Variants in TMEM51 observed in about 807,000 individuals in gnomAD.
TMEM51 encodes transmembrane protein 51, also known as chromosome 1 open reading frame 72.
TMEM51 carries 8 observed loss-of-function variants against 13.6 expected under a neutral mutation model. That is an observed-to-expected ratio of 0.59 (90% CI 0.35 to 1.07). TMEM51 has a LOEUF of 1.07. Ranked by LOEUF, TMEM51 falls within the 50% of genes least tolerant of loss-of-function variation. The pLI is 0.02. For synonymous variants in TMEM51, 147 were observed against 144.4 expected (o/e 1.02, Z -0.13); for missense variants, 279 against 330.7 (o/e 0.84, Z 1.21).
At chr1:15,205,674 T>C (rs1644236248) in intron 1 of TMEM51, among the ~76,000 whole-genome samples, 1 of 152,206 alleles carries the variant, frequency 6.6e-6, no homozygotes, top group Non-Finnish European at 1.5e-5. Flanking sequence ...CTTTCCGTCT[T>C]GGAACCTGTG....
At chr1:15,168,825 C>T in intron 1 of TMEM51, 1 of 1,258,022 alleles carries the variant, frequency 7.9e-7, no homozygotes, top group Non-Finnish European at 1.0e-6. Flanking sequence ...GGAGTCAGAG[C>T]CATATCCGGC....
intron 1 of TMEM51, among the ~76,000 whole-genome samples, chr1:15,179,889 C>A (rs901027192): frequency 1.3e-5 from 2 of 152,208 alleles, no homozygotes; most frequent in Non-Finnish European, 2.9e-5. Flanking sequence ...TATGAGGGAA[C>A]TTTCTGGGAT....
chr1:15,165,239 C>A (rs116656840), intron 1 of TMEM51, among the ~76,000 whole-genome samples: 109 of 152,032 alleles, frequency 7.2e-4, no homozygotes, highest in Non-Finnish European at 1.2e-3. Flanking sequence ...TTACATGAGC[C>A]CAGGAGGTAG....
At chr1:15,189,355 C>T (rs1643883022) in intron 1 of TMEM51, among the ~76,000 whole-genome samples, 2 of 151,900 alleles carry the variant, frequency 1.3e-5, no homozygotes, top group South Asian at 4.2e-4. Context: ...CTCGCCCAGC[C>T]ATTGTCATTA....
chr1:15,155,827 T>C (rs1315954844), intron 1 of TMEM51, among the ~76,000 whole-genome samples: 1 of 152,152 alleles, frequency 6.6e-6, no homozygotes, highest in Non-Finnish European at 1.5e-5. Context: ...TTCTAGGTGC[T>C]CAACAAAGAT....
At chr1:15,158,002 A>G (rs1187846993) in intron 1 of TMEM51, among the ~76,000 whole-genome samples, 1 of 152,166 alleles carries the variant, frequency 6.6e-6, no homozygotes, top group Non-Finnish European at 1.5e-5. Context: ...TGTGTTGCCC[A>G]GGTTAGTCTT....
intron 1 of TMEM51, among the ~76,000 whole-genome samples, chr1:15,198,031 G>A (rs1644085855): frequency 6.6e-6 from 1 of 151,298 alleles, no homozygotes; most frequent in African/African-American, 2.4e-5. Context: ...CCAGAGGTCA[G>A]CAGTCCAGGG....
At chr1:15,167,109 C>T (rs1469929142) in intron 1 of TMEM51, among the ~76,000 whole-genome samples, 1 of 151,904 alleles carries the variant, frequency 6.6e-6, no homozygotes, top group Non-Finnish European at 1.5e-5. Flanking sequence ...GGGCAGATCA[C>T]GAGGTCAGGA....
chr1:15,187,178 C>G (rs953652913), intron 1 of TMEM51, among the ~76,000 whole-genome samples: 33 of 151,832 alleles, frequency 2.2e-4, no homozygotes, highest in Admixed American at 1.3e-4. Context: ...AACACAGCAC[C>G]CCCATCCCCC....
chr1:15,212,046 C>T (rs75848280), intron 2 of TMEM51, among the ~76,000 whole-genome samples: 1 of 152,074 alleles, frequency 6.6e-6, no homozygotes, highest in Non-Finnish European at 1.5e-5. Context: ...TCCTTAAGTG[C>T]GTGAACCATA....
intron 1 of TMEM51, among the ~76,000 whole-genome samples, chr1:15,166,133 TAAAC>T (rs926989749): frequency 6.6e-6 from 1 of 152,226 alleles, no homozygotes; most frequent in African/African-American, 2.4e-5. Flanking sequence ...TTTTATTTCT[TAAAC>T]AAGCATTGTT....
At chr1:15,167,906 ACT>A (rs1344866853) in intron 1 of TMEM51, among the ~76,000 whole-genome samples, 1 of 152,046 alleles carries the variant, frequency 6.6e-6, no homozygotes, top group Non-Finnish European at 1.5e-5. Context: ...TTTTTCATTA[ACT>A]CTTTTTCTTT....
chr1:15,152,819 T>G (rs1642441506), upstream of TMEM51: 2 of 151,642 alleles, frequency 1.3e-5, no homozygotes, highest in Non-Finnish European at 2.9e-5. Context: ...GGGTTTGCAC[T>G]CCCCGGAGCC....
At chr1:15,205,383 C>T (rs550213923) in intron 1 of TMEM51, among the ~76,000 whole-genome samples, 1 of 152,316 alleles carries the variant, frequency 6.6e-6, no homozygotes, top group African/African-American at 2.4e-5. Flanking sequence ...ACTTTCCCAT[C>T]GCTGTGGGAT....
At chr1:15,218,295 C>T (rs1387789083) in intron 3 of TMEM51, among the ~76,000 whole-genome samples, 3 of 152,192 alleles carry the variant, frequency 2.0e-5, no homozygotes, top group Non-Finnish European at 4.4e-5. Context: ...TATTCTTTCT[C>T]TACTGAAAGT....
At chr1:15,165,869 T>G (rs541552129) in intron 1 of TMEM51, among the ~76,000 whole-genome samples, 1 of 152,022 alleles carries the variant, frequency 6.6e-6, no homozygotes, top group Admixed American at 6.6e-5. Flanking sequence ...TACTGGGAGG[T>G]GGAGGTTGCG....
intron 1 of TMEM51, among the ~76,000 whole-genome samples, chr1:15,193,575 C>CTTTCTTTTTTTTTTTTTTTT (rs1249772503): frequency 1.7e-5 from 2 of 114,656 alleles, no homozygotes; most frequent in African/African-American, 7.1e-5. Flanking sequence ...TTCTTTCTTT[C>CTTTCTTTTTTTTTTTTTTTT]TTTTTTTTTT....
At chr1:15,165,944 A>G (rs1002120432) in intron 1 of TMEM51, among the ~76,000 whole-genome samples, 5 of 152,324 alleles carry the variant, frequency 3.3e-5, no homozygotes, top group African/African-American at 1.2e-4. Context: ...TCAAAAAAAA[A>G]GTTAGGGTTA....
Position 15,213,813 on chromosome 1 carries a change from C to G in TMEM51, c.-193-1082C>G, listed in dbSNP as rs954702779. Among the ~76,000 whole-genome samples the G allele has an allele frequency of 5.9e-5, 9 of 152,164 alleles. No homozygotes were observed. The South Asian group carries it at 1.0e-3, about 18-fold the overall frequency. On this transcript the variant is annotated intron_variant, in intron 2 of 3. Coordinates refer to ENST00000376008, the MANE Select transcript of TMEM51 (RefSeq NM_001136218.2). ...TGTCTTGCTGGGTGACTTCATGTGGCCTGCATTCATTTCATCCAACATTGA... is the reference window on the plus strand; with the variant it reads ...TGTCTTGCTGGGTGACTTCATGTGGGCTGCATTCATTTCATCCAACATTGA...
Sources: gnomAD v4.1 joint callset for allele counts (sites outside exome capture counted in the v4.1 genomes callset) on GRCh38, gnomAD v4.1.1 for gene constraint, MANE v1.5 for transcripts, NCBI Gene and HGNC (gene_info 2026-07-23, HGNC 2026-07-21) for gene names.